Variants in PCDH15 observed in about 807,000 individuals in gnomAD.
PCDH15 encodes the protein protocadherin related 15, also known as protocadherin-15.
In PCDH15, 129 loss-of-function variants were observed where a neutral mutation model predicts 178.5. The ratio of observed to expected loss-of-function variants is 0.72; its 90% confidence interval spans 0.63 to 0.84. PCDH15 has a LOEUF of 0.84. Among genes scored for constraint, PCDH15 ranks in the 40% least tolerant of loss-of-function variants. The pLI is 0.00. For synonymous variants in PCDH15, 800 were observed against 732.0 expected, an observed-to-expected ratio of 1.09 and a Z score of -1.50; for missense variants, 2,230 against 2,099.9, an observed-to-expected ratio of 1.06 and a Z score of -1.21.
At chr10:54,217,691 T>A (rs1591235158) in intron 9 of PCDH15, among the ~76,000 whole-genome samples, 1 of 152,136 alleles carries the variant, frequency 6.6e-6, no homozygotes, top group African/African-American at 2.4e-5. Context: ...GAACTATATA[T>A]AATGGCCAAT....
At chr10:55,248,044 A>T (rs1305091309) in intron 1 of PCDH15, among the ~76,000 whole-genome samples, 1 of 149,186 alleles carries the variant, frequency 6.7e-6, no homozygotes, top group Non-Finnish European at 1.5e-5. Flanking sequence ...TTTTATATAC[A>T]TATATTTATA....
At chr10:55,604,540 A>C (rs1475191039) in intron 2 of PCDH15, among the ~76,000 whole-genome samples, 2 of 141,714 alleles carry the variant, frequency 1.4e-5, no homozygotes, top group East Asian at 4.4e-4. Context: ...ATTATAACAA[A>C]CTATCTCTCA....
intron 26 of PCDH15, among the ~76,000 whole-genome samples, chr10:53,900,335 C>T (rs923794508): frequency 6.6e-6 from 1 of 151,788 alleles, no homozygotes; most frequent in South Asian, 2.1e-4. Context: ...AGAAAGGACC[C>T]CTTTCCCTAG....
chr10:54,924,317 G>A (rs1837564136), intron 2 of PCDH15, among the ~76,000 whole-genome samples: 1 of 137,778 alleles, frequency 7.3e-6, no homozygotes, highest in East Asian at 2.0e-4. Flanking sequence ...GATTTGGGTA[G>A]GGCCCAGAAC....
rs149126416 is a variant in PCDH15, at chr10:54,809,945, C to T, written c.-29+87505G>A. 2.2e-3 allele frequency among the ~76,000 whole-genome samples: 336 copies of T among 152,220 alleles called. 2 individuals carry two copies. Among genetic ancestry groups the T allele is most frequent in the African/African-American group, 6.5e-3 (269 of 41,554 alleles). ...ACGCTAGCCGTTAGTAGTTTTAAGA[C>T]TTAAAAGTACATTTTGGGGGAAACA... On this transcript the variant is annotated intron_variant, in intron 3 of 5. Coordinates refer to the PCDH15 transcript ENST00000458638.
Position 54,344,914 on chromosome 10 carries a change from A to C in PCDH15, c.594+1451T>G, listed in dbSNP as rs868559570. On this transcript the variant is annotated intron_variant, in intron 6 of 37. Coordinates refer to ENST00000644397, the MANE Select transcript of PCDH15 (RefSeq NM_001384140.1). ...TTTAGAGAAACAAAGCAAAAAAAAA[A>C]AAAAAAAAAAAACAAGACTCTAAAA... Among the ~76,000 whole-genome samples the C allele has an allele frequency of 2.4e-3, 281 of 118,170 alleles. 1 individual carries two copies. The highest frequency in any genetic ancestry group is 3.9e-3 in the Non-Finnish European group (228 of 58,294). The allele number at this position is 118,170 out of a possible 152,430, so 77.5% of individuals were successfully genotyped here.
chr10:54,052,257 T>C (rs527458507), intron 18 of PCDH15, among the ~76,000 whole-genome samples: 1 of 152,288 alleles, frequency 6.6e-6, no homozygotes, highest in East Asian at 1.9e-4. Context: ...CACCAACACC[T>C]TGTACCATGT....
chr10:55,515,448 GA>G (rs1479082930), intron 2 of PCDH15, among the ~76,000 whole-genome samples: 2 of 152,058 alleles, frequency 1.3e-5, no homozygotes, highest in Non-Finnish European at 2.9e-5. Context: ...GCAGATGTGA[GA>G]ATCTAGGTGT....
chr10:54,582,151 C>T lies in PCDH15; in HGVS notation c.92-54274G>A, dbSNP rs1455997324. On this transcript the variant is annotated intron_variant, in intron 2 of 37. Transcript: ENST00000644397. ...ATCAACAGAGTAAATAGATAACCTG[C>T]AGAATGGGAGAAAATATTTGTGAAT... Among the ~76,000 whole-genome samples, 6 of 151,934 alleles carry T rather than the reference C, an allele frequency of 3.9e-5. No homozygotes were observed. In the East Asian group the frequency reaches 1.2e-3, roughly 29 times the overall value.
At chr10:55,090,204 G>A (rs1273596443) in intron 2 of PCDH15, among the ~76,000 whole-genome samples, 1 of 151,942 alleles carries the variant, frequency 6.6e-6, no homozygotes, top group Non-Finnish European at 1.5e-5. Context: ...CTATTCATCA[G>A]TTATCAAAGA....
intron 3 of PCDH15, among the ~76,000 whole-genome samples, chr10:54,874,426 T>C (rs1333554843): frequency 2.6e-5 from 4 of 151,406 alleles, no homozygotes; most frequent in Non-Finnish European, 4.4e-5. Context: ...AATGCTGCAA[T>C]AAACATACGT....
intron 3 of PCDH15, among the ~76,000 whole-genome samples, chr10:54,513,279 G>T (rs1361467174): frequency 1.1e-4 from 13 of 123,640 alleles, no homozygotes; most frequent in Admixed American, 1.7e-4. Context: ...ATTTATTTAT[G>T]AGACACAGTC....
chr10:54,175,958 T>C (rs1176792053), intron 13 of PCDH15, among the ~76,000 whole-genome samples: 4 of 152,064 alleles, frequency 2.6e-5, no homozygotes, highest in African/African-American at 9.7e-5. Flanking sequence ...ACCTATGATA[T>C]AGAATAACTA....
intron 6 of PCDH15, among the ~76,000 whole-genome samples, chr10:54,335,652 C>G (rs1252927331): frequency 1.3e-5 from 2 of 152,112 alleles, no homozygotes. Context: ...TGCCTTTTGC[C>G]TCCCACCAAG....
At chr10:54,128,674 T>C (rs1005947960) in intron 15 of PCDH15, among the ~76,000 whole-genome samples, 1 of 152,196 alleles carries the variant, frequency 6.6e-6, no homozygotes, top group African/African-American at 2.4e-5. Flanking sequence ...TTGGATTTTT[T>C]GGAGTATTGT....
chr10:53,896,691 G>A (rs1241078286), intron 26 of PCDH15, among the ~76,000 whole-genome samples: 20 of 152,086 alleles, frequency 1.3e-4, no homozygotes, highest in Admixed American at 1.2e-3. Flanking sequence ...TACTCTTCAT[G>A]GCTCACATAA....
chr10:55,278,462 T>C (rs1199908242), intron 1 of PCDH15, among the ~76,000 whole-genome samples: 2 of 152,114 alleles, frequency 1.3e-5, no homozygotes, highest in Non-Finnish European at 2.9e-5. Context: ...TGGCCTCAAG[T>C]GATCCTCCCG....
intron 2 of PCDH15, among the ~76,000 whole-genome samples, chr10:54,628,172 G>T (rs1186091805): frequency 6.6e-6 from 1 of 152,090 alleles, no homozygotes; most frequent in East Asian, 1.9e-4. Flanking sequence ...AGGTGTAGAA[G>T]TCCCAAGAAA....
At chr10:54,488,176 A>G (rs1374675851) in intron 3 of PCDH15, among the ~76,000 whole-genome samples, 1 of 151,898 alleles carries the variant, frequency 6.6e-6, no homozygotes, top group Non-Finnish European at 1.5e-5. Context: ...ACTTTCACAT[A>G]TAAGTAAAAT....
Sources: gnomAD v4.1 joint callset for allele counts (sites outside exome capture counted in the v4.1 genomes callset) on GRCh38, gnomAD v4.1.1 for gene constraint, MANE v1.5 for transcripts, NCBI Gene and HGNC (gene_info 2026-07-23, HGNC 2026-07-21) for gene names.